STARD13: variants seen among roughly 807,000 people sequenced by gnomAD.
The protein encoded by STARD13 is stAR-related lipid transfer protein 13.
STARD13 carries 62 observed loss-of-function variants against 106.4 expected under a neutral mutation model. The ratio of observed to expected loss-of-function variants is 0.58; its 90% confidence interval spans 0.48 to 0.72. The LOEUF (loss-of-function observed/expected upper bound fraction) is 0.72, where lower values mean the gene tolerates loss of function less well. STARD13 is among the 30% of genes least tolerant of loss of function. STARD13 has a pLI of 0.00. For synonymous variants in STARD13, 565 were observed against 553.0 expected (o/e 1.02, Z -0.31); for missense variants, 1,387 against 1,424.0 (o/e 0.97, Z 0.42).
chr13:33,320,702 T>C (rs1373048775), intron 1 of STARD13, among the ~76,000 whole-genome samples: 1 of 152,206 alleles, frequency 6.6e-6, no homozygotes, highest in African/African-American at 2.4e-5. Flanking sequence ...AGGTATGGTA[T>C]CTTGCACTGG....
the STARD13 span, among the ~76,000 whole-genome samples, chr13:33,450,027 G>A: frequency 1.8e-4 from 27 of 152,170 alleles, no homozygotes; most frequent in Non-Finnish European, 2.9e-4. Flanking sequence ...TACTATCTGC[G>A]AATAGGGACA....
chr13:33,183,943 C>A (rs972537118), intron 1 of STARD13, among the ~76,000 whole-genome samples: 4 of 152,166 alleles, frequency 2.6e-5, no homozygotes, highest in East Asian at 3.9e-4. Context: ...TTCAGTAATG[C>A]CTCCTTTCCC....
chr13:33,304,017 A>G (rs9563325), intron 1 of STARD13, among the ~76,000 whole-genome samples: 37,780 of 152,198 alleles, frequency 0.25, 5,253 homozygotes, highest in East Asian at 0.69. Flanking sequence ...ACATTTTAAC[A>G]AGATTTGCAG....
At chr13:33,215,231 TG>T (rs1261890332) in intron 1 of STARD13, among the ~76,000 whole-genome samples, 1 of 152,090 alleles carries the variant, frequency 6.6e-6, no homozygotes, top group Non-Finnish European at 1.5e-5. Context: ...AGGTTTCATC[TG>T]CAGACATGTT....
At chr13:33,546,574 A>G in the STARD13 span, among the ~76,000 whole-genome samples, 1 of 152,110 alleles carries the variant, frequency 6.6e-6, no homozygotes, top group African/African-American at 2.4e-5. Context: ...TGAATTGACT[A>G]TTCTGCTAAA....
chr13:33,466,208 G>T, the STARD13 span, among the ~76,000 whole-genome samples: 81 of 152,036 alleles, frequency 5.3e-4, no homozygotes, highest in African/African-American at 1.9e-3. Flanking sequence ...CATATTACAG[G>T]TTTTATTTTT....
chr13:33,513,890 G>A, the STARD13 span, among the ~76,000 whole-genome samples: 29 of 151,994 alleles, frequency 1.9e-4, no homozygotes, highest in Non-Finnish European at 7.4e-5. Context: ...CTTTATTCAC[G>A]TAACGTAACA....
chr13:33,267,573 C>A (rs541766442), intron 1 of STARD13, among the ~76,000 whole-genome samples: 9 of 152,142 alleles, frequency 5.9e-5, no homozygotes, highest in Non-Finnish European at 8.8e-5. Flanking sequence ...CCTGAGAGCA[C>A]CTGACACAGA....
the STARD13 span, among the ~76,000 whole-genome samples, chr13:33,591,824 A>G: frequency 7.1e-6 from 1 of 141,816 alleles, no homozygotes; most frequent in Non-Finnish European, 1.5e-5. Context: ...AAGAAACATA[A>G]AAATCTATTA....
chr13:33,392,556 C>A, the STARD13 span, among the ~76,000 whole-genome samples: 1 of 151,932 alleles, frequency 6.6e-6, no homozygotes, highest in Non-Finnish European at 1.5e-5. Flanking sequence ...TGTGCCACCA[C>A]ACCCAGCTAA....
intron 1 of STARD13, among the ~76,000 whole-genome samples, chr13:33,179,284 C>T (rs966804777): frequency 1.3e-5 from 2 of 152,124 alleles, no homozygotes; most frequent in Non-Finnish European, 2.9e-5. Flanking sequence ...CTGGATACAC[C>T]TCTCATTACC....
chr13:33,189,819 C>T (rs1000287394), intron 1 of STARD13, among the ~76,000 whole-genome samples: 6 of 151,842 alleles, frequency 4.0e-5, no homozygotes, highest in South Asian at 2.1e-4. Context: ...CCGGGTGATC[C>T]CAGTTTCTAG....
In STARD13 at chr13:33,165,354, A is replaced by G; in HGVS notation, c.306T>C (p.Leu102=). The change falls in exon 3 of 14, where the codon CTT becomes CTC. Residue 102 remains leucine (L), a synonymous_variant. Coordinates refer to ENST00000336934, the MANE Select transcript of STARD13 (RefSeq NM_178006.4). The part of the protein sequence containing the change: ...KNDHDFLEKD[L]VEPLCRRLNT... ...TGGTTTACCTGCAAAGAGGTTCTAC[A>G]AGGTCCTTTTCAAGAAAATCATGAT... The G allele has an allele frequency of 6.2e-7, 1 of 1,613,422 alleles. No individual in the cohort carries two copies. The highest frequency in any genetic ancestry group is 8.5e-7 in the Non-Finnish European group (1 of 1,179,344).
At chr13:33,671,499 G>A in the STARD13 span, among the ~76,000 whole-genome samples, 1 of 152,238 alleles carries the variant, frequency 6.6e-6, no homozygotes. Context: ...GAGAGGCTGA[G>A]GCAGGAGGAA....
chr13:33,132,579 AGT>A (rs1305304505), intron 4 of STARD13, among the ~76,000 whole-genome samples: 4 of 152,228 alleles, frequency 2.6e-5, no homozygotes, highest in Non-Finnish European at 5.9e-5. Context: ...GGACTAATAC[AGT>A]GGCTCACGCC....
the STARD13 span, chr13:33,610,908 G>A: frequency 6.6e-6 from 1 of 152,252 alleles, no homozygotes; most frequent in Non-Finnish European, 1.5e-5. Flanking sequence ...TGACTAGTGT[G>A]CATGGAAGGG....
At chr13:33,241,908 C>A (rs181730415) in intron 1 of STARD13, among the ~76,000 whole-genome samples, 1 of 152,178 alleles carries the variant, frequency 6.6e-6, no homozygotes, top group Non-Finnish European at 1.5e-5. Flanking sequence ...ACCTCCCAGC[C>A]GCCTGCCTTG....
chr13:33,125,909 A>G (rs749599776), intron 7 of STARD13, among the ~76,000 whole-genome samples, 172 bp downstream of exon 7: 19 of 128,152 alleles, frequency 1.5e-4, no homozygotes, highest in Non-Finnish European at 3.3e-4. Flanking sequence ...ATCCTCAAAT[A>G]GGACATGTCT....
chr13:33,622,010 G>A, the STARD13 span, among the ~76,000 whole-genome samples: 2 of 151,682 alleles, frequency 1.3e-5, no homozygotes, highest in Non-Finnish European at 2.9e-5. Flanking sequence ...TCACCATGTT[G>A]GCCAGGCTGG....
Sources: allele counts gnomAD v4.1 joint callset (sites outside exome capture counted in the v4.1 genomes callset), GRCh38; gene constraint gnomAD v4.1.1; transcripts MANE v1.5; gene names NCBI Gene and HGNC (gene_info 2026-07-23, HGNC 2026-07-21).